SDK1: variants seen among roughly 807,000 people sequenced by gnomAD.
SDK1 encodes protein sidekick-1.
SDK1 carries 157 observed loss-of-function variants against 245.5 expected under a neutral mutation model. The observed-to-expected ratio is 0.64, with a 90% CI of 0.56 to 0.73. The LOEUF is 0.73. SDK1 is among the 30% of genes least tolerant of loss of function. The pLI, the probability that SDK1 is intolerant of heterozygous loss-of-function variation, is 0.00. For missense variants in SDK1, 3,583 were observed against 3,002.3 expected, an observed-to-expected ratio of 1.19 and a Z score of -4.52; for synonymous variants, 1,647 against 1,278.5, an observed-to-expected ratio of 1.29 and a Z score of -6.15.
At chr7:3,575,514 A>G (rs1401775412) in intron 1 of SDK1, among the ~76,000 whole-genome samples, 1 of 151,750 alleles carries the variant, frequency 6.6e-6, no homozygotes, top group African/African-American at 2.4e-5. Context: ...GCATTTTAAC[A>G]TTTTCGGGTT....
chr7:3,670,634 T>G (rs1434112069), intron 4 of SDK1, among the ~76,000 whole-genome samples: 1 of 152,158 alleles, frequency 6.6e-6, no homozygotes, highest in East Asian at 1.9e-4. Flanking sequence ...TTAGATTATT[T>G]GCTTAACGAA....
At chr7:3,457,740 C>G (rs1234501601) in intron 1 of SDK1, among the ~76,000 whole-genome samples, 1 of 152,152 alleles carries the variant, frequency 6.6e-6, no homozygotes, top group East Asian at 1.9e-4. Context: ...TTCTCTGGGT[C>G]TTCCAGACAG....
chr7:4,173,121 A>G (rs2128217109), intron 32 of SDK1, among the ~76,000 whole-genome samples: 1 of 152,320 alleles, frequency 6.6e-6, no homozygotes, highest in Non-Finnish European at 1.5e-5. Context: ...TGAGCCCGAC[A>G]CCGGAAGTTC....
intron 1 of SDK1, among the ~76,000 whole-genome samples, chr7:3,366,886 C>A (rs568544623): frequency 2.0e-5 from 3 of 152,002 alleles, no homozygotes; most frequent in Non-Finnish European, 4.4e-5. Context: ...GGATTACAGG[C>A]ATGCACCACC....
At chr7:3,867,545 C>T (rs1780850873) in intron 5 of SDK1, among the ~76,000 whole-genome samples, 1 of 152,150 alleles carries the variant, frequency 6.6e-6, no homozygotes, top group Admixed American at 6.5e-5. Context: ...TGGGTGGCTG[C>T]AGGCAAAGAG....
intron 20 of SDK1, among the ~76,000 whole-genome samples, chr7:4,074,917 T>C (rs1295298221): frequency 1.9e-5 from 1 of 53,728 alleles, no homozygotes; most frequent in Non-Finnish European, 3.2e-5. Context: ...TATATATATA[T>C]TTTTTTTTTT....
intron 1 of SDK1, among the ~76,000 whole-genome samples, chr7:3,355,717 G>C (rs1461704821): frequency 6.6e-6 from 1 of 151,982 alleles, no homozygotes; most frequent in East Asian, 1.9e-4. Flanking sequence ...TTTTAACAAA[G>C]GCTTCTGATC....
At chr7:4,068,703 G>A (rs140212345) in intron 20 of SDK1, among the ~76,000 whole-genome samples, 19 of 136,106 alleles carry the variant, frequency 1.4e-4, no homozygotes, top group Admixed American at 2.8e-4. Flanking sequence ...CTTTTTTAGG[G>A]TTTTTAATGA....
chr7:3,542,622 TAAAA>T lies in SDK1; in HGVS notation c.299-76456_299-76453del, dbSNP rs574359915. Among the ~76,000 whole-genome samples, 20 of 152,336 alleles carry T rather than the reference TAAAA, an allele frequency of 1.3e-4. No homozygotes were observed. In the South Asian group the frequency reaches 3.7e-3, roughly 28 times the overall value. ...CTTTTAATCAATAACATTATTAAAA[TAAAA>T]ATGTTTTAAAATGTTAAAAATATTT... is the stretch of plus-strand genomic sequence containing the variant. On this transcript the variant is annotated intron_variant, in intron 1 of 44. Coordinates refer to ENST00000404826, the MANE Select transcript of SDK1 (RefSeq NM_152744.4).
chr7:4,014,139 T>C (rs10480120), intron 16 of SDK1, among the ~76,000 whole-genome samples: 32,993 of 152,258 alleles, frequency 0.22, 3,628 homozygotes, highest in Middle Eastern at 0.25. Context: ...TTCTTCAGCA[T>C]GTGCAGGAAG....
chr7:4,022,756 T>C (rs1007404215), intron 17 of SDK1, among the ~76,000 whole-genome samples: 13 of 151,306 alleles, frequency 8.6e-5, no homozygotes, highest in Non-Finnish European at 1.9e-4. Flanking sequence ...ACTCCTCGTT[T>C]TTCTTTTCTT....
rs10274450 is a variant in SDK1, at chr7:3,789,419, A to G, written c.714-32031A>G. Among the ~76,000 whole-genome samples, 846 of 152,322 alleles carry G rather than the reference A, an allele frequency of 5.6e-3. 8 individuals are homozygous for G. Among genetic ancestry groups the G allele is most frequent in the African/African-American group, 0.02 (812 of 41,568 alleles). ...CGCCTCAGCCTCCCAAAGTGCTGGG[A>G]TTACAGGCGTGAGCCACTCTGCCCA... On this transcript the variant is annotated intron_variant, in intron 4 of 44. Coordinates refer to ENST00000404826, the MANE Select transcript of SDK1 (RefSeq NM_152744.4).
chr7:3,627,083 A>T (rs555915670), intron 2 of SDK1, among the ~76,000 whole-genome samples: 1 of 152,018 alleles, frequency 6.6e-6, no homozygotes, highest in Non-Finnish European at 1.5e-5. Context: ...ACACACCACC[A>T]TGCCCAGCTA....
intron 1 of SDK1, among the ~76,000 whole-genome samples, chr7:3,453,821 A>G (rs78396346): frequency 0.064 from 9,703 of 152,128 alleles, 433 homozygotes; most frequent in East Asian, 0.1. Flanking sequence ...CCTGGACTCA[A>G]ATGATCTCCT....
At chr7:3,644,527 T>C (rs1782759837) in intron 4 of SDK1, among the ~76,000 whole-genome samples, 1 of 151,486 alleles carries the variant, frequency 6.6e-6, no homozygotes, top group African/African-American at 2.4e-5. Context: ...CACTTTAGGA[T>C]GCTGATTGCT....
intron 4 of SDK1, among the ~76,000 whole-genome samples, chr7:3,655,573 C>G (rs1476210958): frequency 6.9e-6 from 1 of 145,726 alleles, no homozygotes; most frequent in African/African-American, 2.5e-5. Flanking sequence ...ATCTGTCTAT[C>G]CCTCTTACAT....
chr7:3,506,053 C>A (rs1782381713), intron 1 of SDK1, among the ~76,000 whole-genome samples: 1 of 151,918 alleles, frequency 6.6e-6, no homozygotes, highest in Admixed American at 6.6e-5. Context: ...TGTAGACACC[C>A]ACATTTACCA....
In SDK1 at chr7:3,311,818, T is replaced by G. The variant is rs1779557506; in HGVS notation, c.298+9934T>G. Among the ~76,000 whole-genome samples the G allele has an allele frequency of 2.0e-5, 3 of 152,286 alleles. No homozygotes were observed. In the South Asian group the frequency reaches 6.2e-4, roughly 32 times the overall value. ...TTTAAAATACCAGGGAATCCCTAGG[T>G]GCCAGCTATGAACAGAAAATTCAGA... is the stretch of plus-strand genomic sequence containing the variant. On this transcript the variant is annotated intron_variant, in intron 1 of 44. Coordinates refer to ENST00000404826, the MANE Select transcript of SDK1 (RefSeq NM_152744.4).
intron 5 of SDK1, among the ~76,000 whole-genome samples, chr7:3,845,862 A>G (rs1780265318): frequency 6.6e-6 from 1 of 152,232 alleles, no homozygotes. Context: ...ATGAATTGGC[A>G]GCATAAACAG....
Sources: gnomAD v4.1 joint callset for allele counts (sites outside exome capture counted in the v4.1 genomes callset) on GRCh38, gnomAD v4.1.1 for gene constraint, MANE v1.5 for transcripts, NCBI Gene and HGNC (gene_info 2026-07-23, HGNC 2026-07-21) for gene names.